The following RHEX variants were observed in gnomAD, a reference collection of about 807,000 sequenced individuals.
The protein encoded by RHEX is regulator of hemoglobinization and erythroid cell expansion.
Under a neutral mutation model 20.1 loss-of-function variants are expected in RHEX, and 18 were observed. The observed-to-expected ratio is 0.90, with a 90% confidence interval of 0.62 to 1.33. RHEX has a LOEUF of 1.33. Among genes scored for constraint, RHEX ranks in the 40% most tolerant of loss-of-function variants. RHEX has a pLI of 0.00. For synonymous variants in RHEX, 87 were observed against 77.1 expected (o/e 1.13, Z -0.67); for missense variants, 192 against 214.3 (o/e 0.90, Z 0.65).
Position 206,101,791 on chromosome 1 carries a change from G to A in RHEX, c.358G>A (p.Asp120Asn), listed in dbSNP as rs1285764243. The stretch of plus-strand genomic sequence containing the variant: ...GGATTACACACAAGTCGTCTTTTCT[G>A]ACCCTGGAGAACTAAAAAATGACTC... ...DVDYTQVVFS[D>N]PGELKNDSPL... Residue 120 changes from aspartate (D) to asparagine (N), a missense_variant, in exon 6 of 6, where the codon GAC becomes AAC. Transcript: ENST00000331555. The A allele has an allele frequency of 1.2e-6, 2 of 1,613,704 alleles. No homozygotes were observed. Among genetic ancestry groups the A allele is most frequent in the Non-Finnish European group, 1.7e-6 (2 of 1,179,992 alleles).
chr1:206,080,686 C>G (rs1662718094), intron 1 of RHEX, among the ~76,000 whole-genome samples: 2 of 152,166 alleles, frequency 1.3e-5, no homozygotes, highest in Admixed American at 6.5e-5. Context: ...TCTGTCAGCT[C>G]AAAGCAGAGA....
chr1:206,088,200 A>T (rs1553286601), intron 1 of RHEX, among the ~76,000 whole-genome samples: 1 of 152,234 alleles, frequency 6.6e-6, no homozygotes, highest in African/African-American at 2.4e-5. Flanking sequence ...AAACTTTGAA[A>T]ATGACAGAAA....
At chr1:206,054,374 T>C (rs1290433078) in intron 1 of RHEX, among the ~76,000 whole-genome samples, 1 of 152,234 alleles carries the variant, frequency 6.6e-6, no homozygotes, top group East Asian at 1.9e-4. Flanking sequence ...AAAAAAACAG[T>C]TTATGTGCAA....
chr1:206,064,703 G>A (rs1662387902), intron 1 of RHEX, among the ~76,000 whole-genome samples: 1 of 151,120 alleles, frequency 6.6e-6, no homozygotes, highest in Non-Finnish European at 1.5e-5. Context: ...GAGGTGAGGG[G>A]TGCCTCTGCC....
Position 206,102,249 on chromosome 1 carries a change from G to T in RHEX, c.*297G>T. 2.4e-6 allele frequency: 1 copy of T among 421,142 alleles called. No homozygotes were observed. The highest frequency in any genetic ancestry group is 4.3e-6 in the Non-Finnish European group (1 of 230,476). The allele number at this position is 421,142 out of a possible 1,614,324, so 26.1% of individuals were successfully genotyped here. ...GATCAGATGTTAGGAAGAACTTTCA[G>T]GTAAAGTATGAGAACTATGGAGTCC... On this transcript the variant is annotated 3_prime_UTR_variant, in exon 6 of 6. Transcript: ENST00000331555.
intron 1 of RHEX, among the ~76,000 whole-genome samples, chr1:206,077,281 A>G (rs1369810006): frequency 1.3e-5 from 2 of 152,222 alleles, no homozygotes; most frequent in Non-Finnish European, 2.9e-5. Flanking sequence ...AGCTCTTTAT[A>G]TATGCAAAAT....
At position 206,099,388 on chromosome 1, in the gene RHEX, G is replaced by A. The variant is rs542500335; in HGVS notation, c.113-267G>A. Among the ~76,000 whole-genome samples the A allele has an allele frequency of 1.7e-3, 250 of 151,458 alleles. 1 individual carries two copies. Among genetic ancestry groups the A allele is most frequent in the African/African-American group, 3.9e-3 (160 of 41,256 alleles). On this transcript the variant is annotated intron_variant, in intron 3 of 5. Transcript: ENST00000331555. ...GGCTTGAGTGCAGTGGCACAGTCTC[G>A]GCTCGCTGCAACCTCTGCCTCCCAG...
At chr1:206,097,301 T>G (rs1663091921) in intron 1 of RHEX, among the ~76,000 whole-genome samples, 1 of 152,124 alleles carries the variant, frequency 6.6e-6, no homozygotes, top group Admixed American at 6.5e-5. Context: ...AAAGAATCCA[T>G]AAGCCCTGCT....
At chr1:206,099,878 C>A in intron 4 of RHEX, 80 bp downstream of exon 4, 2 of 1,342,884 alleles carry the variant, frequency 1.5e-6, no homozygotes, top group East Asian at 2.3e-5. Flanking sequence ...CCTGCAGCAA[C>A]CCCATGGGCC....
chr1:206,053,901 A>G (rs1018225437), intron 1 of RHEX, among the ~76,000 whole-genome samples: 16 of 152,380 alleles, frequency 1.1e-4, no homozygotes, highest in African/African-American at 3.8e-4. Flanking sequence ...AGAGAAAAAA[A>G]GGCCATCTAT....
Position 206,096,787 on chromosome 1 carries a change from T to TG in RHEX, c.-96-946_-96-945insG, listed in dbSNP as rs1266082790. Among the ~76,000 whole-genome samples the TG allele has an allele frequency of 2.9e-3, 429 of 149,300 alleles. 6 individuals carry two copies. The highest frequency in any genetic ancestry group is 7.7e-3 in the African/African-American group (317 of 41,050). On this transcript the variant is annotated intron_variant, in intron 1 of 5. Coordinates refer to ENST00000331555, the MANE Select transcript of RHEX (RefSeq NM_001007544.4). ...CCTGTTTTTTTTTTTTTTGGTTTTT[T>TG]TTTTTGAGACAGGGTCTTGCTCTGT... is the stretch of plus-strand genomic sequence containing the variant.
At chr1:206,053,965 G>T in intron 1 of RHEX, among the ~76,000 whole-genome samples, 1 of 152,342 alleles carries the variant, frequency 6.6e-6, no homozygotes, top group Middle Eastern at 3.4e-3. Context: ...AAGGATAATT[G>T]AAATCCCAAA....
chr1:206,082,049 C>T (rs903808217), intron 1 of RHEX, among the ~76,000 whole-genome samples: 19 of 152,126 alleles, frequency 1.2e-4, no homozygotes, highest in African/African-American at 4.6e-4. Flanking sequence ...TTCTGCTTTC[C>T]TCAAATCTTG....
chr1:206,088,106 T>A (rs1372285936), intron 1 of RHEX, among the ~76,000 whole-genome samples: 2 of 151,858 alleles, frequency 1.3e-5, no homozygotes, highest in Admixed American at 6.6e-5. Context: ...TTAGGAAAAA[T>A]TTTTAATTTA....
In RHEX at chr1:206,098,333, C is replaced by T. The variant is rs555641887; in HGVS notation, c.112+152C>T. On this transcript the variant is annotated intron_variant, in intron 3 of 5. Coordinates refer to ENST00000331555, the MANE Select transcript of RHEX (RefSeq NM_001007544.4). Reference sequence around the variant, plus strand: ...AAATTCCTTCCCACCGCTCCCCCTCCCCCCAATAACTGTATCTGGGTAATC... The same window carrying T: ...AAATTCCTTCCCACCGCTCCCCCTCTCCCCAATAACTGTATCTGGGTAATC... The T allele has an allele frequency of 6.9e-4, 425 of 617,704 alleles. 3 individuals carry two copies. Among genetic ancestry groups the T allele is most frequent in the Non-Finnish European group, 1.0e-3 (344 of 338,728 alleles). The allele number at this position is 617,704 out of a possible 1,614,324, so 38.3% of individuals were successfully genotyped here.
chr1:206,086,603 C>A (rs1021722947), intron 1 of RHEX, among the ~76,000 whole-genome samples: 1 of 152,204 alleles, frequency 6.6e-6, no homozygotes, highest in Admixed American at 6.5e-5. Flanking sequence ...ATTGGGAGAA[C>A]AATAGTATCT....
At chr1:206,063,835 G>A (rs1206211732) in intron 1 of RHEX, among the ~76,000 whole-genome samples, 1 of 151,274 alleles carries the variant, frequency 6.6e-6, no homozygotes, top group East Asian at 1.9e-4. Context: ...AGTGAGGAGC[G>A]TCTCTGCCTG....
At chr1:206,068,387 C>T (rs1233681557) in intron 1 of RHEX, among the ~76,000 whole-genome samples, 3 of 152,162 alleles carry the variant, frequency 2.0e-5, no homozygotes, top group African/African-American at 7.2e-5. Context: ...ATGTAAAAGG[C>T]TTTCACTACC....
intron 1 of RHEX, among the ~76,000 whole-genome samples, chr1:206,096,430 T>G (rs1168195416): frequency 6.6e-6 from 1 of 152,268 alleles, no homozygotes; most frequent in East Asian, 1.9e-4. Flanking sequence ...CTGGTCTAGC[T>G]TCTAGCCCCC....
Sources: allele counts gnomAD v4.1 joint callset (sites outside exome capture counted in the v4.1 genomes callset), GRCh38; gene constraint gnomAD v4.1.1; transcripts MANE v1.5; gene names NCBI Gene and HGNC (gene_info 2026-07-23, HGNC 2026-07-21).